Variants in NRDE2 observed in about 807,000 individuals in gnomAD.
The protein encoded by NRDE2 is nuclear exosome regulator NRDE2.
A neutral mutation model predicts 124.2 loss-of-function variants in NRDE2; 76 were observed. The observed-to-expected ratio is 0.61, with a 90% confidence interval of 0.51 to 0.74. The LOEUF (loss-of-function observed/expected upper bound fraction) is 0.74, where lower values mean the gene tolerates loss of function less well. Among genes scored for constraint, NRDE2 ranks in the 30% least tolerant of loss-of-function variants. NRDE2 has a pLI of 0.00. For missense variants in NRDE2, 1,314 were observed against 1,417.3 expected, an observed-to-expected ratio of 0.93 and a Z score of 1.17; for synonymous variants, 489 against 528.1, an observed-to-expected ratio of 0.93 and a Z score of 1.01.
Position 90,301,829 on chromosome 14 carries a change from C to T in NRDE2, c.1412-457G>A, listed in dbSNP as rs79707260. 3,215 of 455,998 alleles carry T rather than the reference C, an allele frequency of 7.1e-3. 76 individuals are homozygous for T. The highest frequency in any genetic ancestry group is 0.057 in the African/African-American group (2,871 of 50,178). 28.2% of individuals were successfully genotyped at this position (455,998 alleles called of 1,614,324 possible). A position where few individuals can be genotyped will look rare whatever the true frequency, so the allele number is the denominator to read the frequency against. On this transcript the variant is annotated intron_variant, in intron 6 of 13. Coordinates refer to ENST00000354366, the MANE Select transcript of NRDE2 (RefSeq NM_017970.4). The stretch of plus-strand genomic sequence containing the variant: ...CTGTAAACAAATCAAGGTTCCATGT[C>T]TGAACATTCCAGTTCATCTTACTTT...
rs757169962 is a variant in NRDE2, at chr14:90,317,983, A to T, written c.173+22T>A. 5 of 1,592,958 alleles carry T rather than the reference A, an allele frequency of 3.1e-6. No homozygotes were observed. In the Admixed American group the frequency reaches 8.5e-5, roughly 27 times the overall value. ...ACAGTAAACTGACAAAAACGAAAAC[A>T]CATCTGTCAAACAAAAACTACCTTG... On this transcript the variant is annotated intron_variant, in intron 2 of 13. Coordinates refer to ENST00000354366, the MANE Select transcript of NRDE2 (RefSeq NM_017970.4).
chr14:90,293,212 CACT>C (rs1353561093), intron 8 of NRDE2, among the ~76,000 whole-genome samples: 1 of 151,940 alleles, frequency 6.6e-6, no homozygotes, highest in Non-Finnish European at 1.5e-5. Flanking sequence ...ACATGTGACT[CACT>C]GGGCACTTGA....
chr14:90,282,319 T>TA (rs939184158), intron 12 of NRDE2, among the ~76,000 whole-genome samples: 4 of 148,176 alleles, frequency 2.7e-5, no homozygotes, highest in Non-Finnish European at 4.4e-5. Flanking sequence ...TTACAAAAAA[T>TA]AAAAAAAACA....
At chr14:90,295,688 C>A (rs1241344735) in intron 8 of NRDE2, among the ~76,000 whole-genome samples, 1 of 152,180 alleles carries the variant, frequency 6.6e-6, no homozygotes. Context: ...AGGATGAAAT[C>A]AACTACCCTC....
In NRDE2 at chr14:90,269,809, T is replaced by G. The variant is rs1041454112; in HGVS notation, c.*8527A>C. 1 of 416,842 alleles carries G rather than the reference T, an allele frequency of 2.4e-6. No homozygotes were observed. The highest frequency in any genetic ancestry group is 2.0e-5 in the African/African-American group (1 of 49,358). The allele number at this position is 416,842 out of a possible 1,614,324, so 25.8% of individuals were successfully genotyped here. Reference sequence around the variant, plus strand: ...CATTCCCTTTTTAGCCTCAAGAACTTGCTGCTTTTTCTGGAAGAAATAATT... The same window carrying G: ...CATTCCCTTTTTAGCCTCAAGAACTGGCTGCTTTTTCTGGAAGAAATAATT... On this transcript the variant is annotated 3_prime_UTR_variant, in exon 14 of 14. Transcript: ENST00000354366.
intron 1 of NRDE2, among the ~76,000 whole-genome samples, chr14:90,330,766 C>T (rs1018808595): frequency 9.4e-5 from 14 of 149,454 alleles, no homozygotes; most frequent in Admixed American, 8.7e-4. Context: ...TATGACAGTG[C>T]CACTGTACTC....
In NRDE2 at chr14:90,279,064, T is replaced by C; in HGVS notation, c.3367A>G (p.Lys1123Glu). 6.2e-7 allele frequency: 1 copy of C among 1,609,836 alleles called. No homozygotes were observed. Among genetic ancestry groups the C allele is most frequent in the Non-Finnish European group, 8.5e-7 (1 of 1,175,984 alleles). ...YKALQNCPWA[K>E]VLYLDAVEYF... Reference sequence around the variant, plus strand: ...ACACCATGGCCTTTAACACTTACCTTTGCCCAAGGGCAATTCTGAAGTGCT... The same window carrying C: ...ACACCATGGCCTTTAACACTTACCTCTGCCCAAGGGCAATTCTGAAGTGCT... Residue 1123 changes from lysine (K) to glutamate (E), a missense_variant and splice_region_variant, in exon 13 of 14, where the codon AAG becomes GAG. Transcript: ENST00000354366.
chr14:90,286,548 G>C, intron 11 of NRDE2, 56 bp from the exon 12 acceptor site: 1 of 1,579,802 alleles, frequency 6.3e-7, no homozygotes, highest in Non-Finnish European at 8.6e-7. Context: ...CTACATCACA[G>C]AAGGAAGAGA....
chr14:90,276,802 AGATGGGGACTGAGGC>A lies in NRDE2; in HGVS notation c.*1519_*1533del, dbSNP rs1488736609. ...AACCAGATGAGAAGAGACATGAGTC[AGATGGGGACTGAGGC>A]GCCAGCTGCTGTCATGGGGAGCATG... is the stretch of plus-strand genomic sequence containing the variant. On this transcript the variant is annotated 3_prime_UTR_variant, in exon 14 of 14. Coordinates refer to ENST00000354366, the MANE Select transcript of NRDE2 (RefSeq NM_017970.4). The A allele has an allele frequency of 6.6e-6, 1 of 152,212 alleles. No homozygotes were observed. The highest frequency in any genetic ancestry group is 1.9e-4 in the East Asian group (1 of 5,164). 9.4% of individuals were successfully genotyped at this position (152,212 alleles called of 1,614,324 possible).
At chr14:90,284,486 C>T (rs1892045839) in intron 12 of NRDE2, among the ~76,000 whole-genome samples, 1 of 152,074 alleles carries the variant, frequency 6.6e-6, no homozygotes, top group Admixed American at 6.5e-5. Flanking sequence ...CTGCCTGAGC[C>T]TCCCAAGTAG....
Position 90,303,780 on chromosome 14 carries a change from T to C in NRDE2, c.1005+155A>G, listed in dbSNP as rs117427923. 9.6e-3 allele frequency among the ~76,000 whole-genome samples: 1,457 copies of C among 152,336 alleles called. 10 individuals are homozygous for C. Among genetic ancestry groups the C allele is most frequent in the Non-Finnish European group, 0.014 (982 of 68,030 alleles). ...GCATGTCCATTTTCCTCATTGGACT[T>C]TGAGCGAGCTCAGGGCAAAGGCTCT... is the stretch of plus-strand genomic sequence containing the variant. On this transcript the variant is annotated intron_variant, in intron 5 of 13. Transcript: ENST00000354366.
At position 90,290,352 on chromosome 14, in the gene NRDE2, G is replaced by C. The variant is rs377682810; in HGVS notation, c.2098C>G (p.Arg700Gly). The C allele has an allele frequency of 5.6e-6, 9 of 1,613,986 alleles. No individual in the cohort carries two copies. In the African/African-American group the frequency reaches 1.2e-4, roughly 22 times the overall value. Residue 700 changes from arginine to glycine, a missense_variant, in exon 10 of 14, where the codon CGC (arginine) becomes GGC (glycine). Arg to Gly is a moderately radical substitution (Grantham distance 125, BLOSUM62 -2). Transcript: ENST00000354366. ...TCTCGGTTCTGACCCCTGGTCCAGCGAGGATAGCCCAACCTATCCATGCGG... is the reference window on the plus strand; with the variant it reads ...TCTCGGTTCTGACCCCTGGTCCAGCCAGGATAGCCCAACCTATCCATGCGG... ...VGRMDRLGYPRWTRGQNREGE... is the reference protein window; with the variant it reads ...VGRMDRLGYPGWTRGQNREGE...
rs1892249213 is a variant in NRDE2 at position 90,290,610 on chromosome 14, G to T, written c.1843-3C>A. Reference sequence around the variant, plus strand: ...TGCCCAATATCATCAAACAACACCTGCAACAAAGACAAAATAAAGCGACCC... The same window carrying T: ...TGCCCAATATCATCAAACAACACCTTCAACAAAGACAAAATAAAGCGACCC... On this transcript the variant is annotated splice_region_variant and splice_polypyrimidine_tract_variant and intron_variant, in intron 9 of 13. Coordinates refer to ENST00000354366, the MANE Select transcript of NRDE2 (RefSeq NM_017970.4). 3 of 1,577,790 alleles carry T rather than the reference G, an allele frequency of 1.9e-6. No homozygotes were observed. The highest frequency in any genetic ancestry group is 1.7e-4 in the Middle Eastern group (1 of 5,838).
At chr14:90,297,066 G>A (rs1161633066) in intron 8 of NRDE2, among the ~76,000 whole-genome samples, 3 of 151,184 alleles carry the variant, frequency 2.0e-5, no homozygotes, top group Admixed American at 6.6e-5. Flanking sequence ...TTGAACCTGG[G>A]AGGCGGAGGT....
chr14:90,281,478 C>A (rs1424598646), intron 12 of NRDE2: 1 of 152,210 alleles, frequency 6.6e-6, no homozygotes, highest in African/African-American at 2.4e-5. Flanking sequence ...CCCTGTGCGA[C>A]CACGGGGGAG....
chr14:90,310,521 C>T (rs991720973), intron 4 of NRDE2, among the ~76,000 whole-genome samples: 11 of 136,172 alleles, frequency 8.1e-5, no homozygotes, highest in African/African-American at 1.3e-4. Context: ...GTTGACTGCC[C>T]TTTTTTTTTT....
chr14:90,272,467 A>C lies in NRDE2; in HGVS notation c.*5869T>G. 7.7e-7 allele frequency: 1 copy of C among 1,292,084 alleles called. No homozygotes were observed. Among genetic ancestry groups the C allele is most frequent in the Non-Finnish European group, 1.1e-6 (1 of 943,120 alleles). The allele number at this position is 1,292,084 out of a possible 1,614,324, so 80.0% of individuals were successfully genotyped here. On this transcript the variant is annotated 3_prime_UTR_variant, in exon 14 of 14. Transcript: ENST00000354366. This position sits in a 1 kb window ranked among gnomAD's most constrained non-coding sequence, Gnocchi z 4.5. ...GATTTCTCAATCCCTGAAAGGGATG[A>C]GGTTGGGGGAGTTGCCCAGAGGAAT...
intron 4 of NRDE2, among the ~76,000 whole-genome samples, chr14:90,311,366 A>C (rs1264405619): frequency 2.0e-5 from 3 of 152,146 alleles, no homozygotes; most frequent in African/African-American, 7.2e-5. Context: ...CTTGAATTGT[A>C]GTTCCCATAA....
intron 1 of NRDE2, 62 bp downstream of exon 1, chr14:90,331,779 G>C: frequency 1.3e-6 from 2 of 1,536,626 alleles, no homozygotes; most frequent in Non-Finnish European, 1.8e-6. Flanking sequence ...GTCTAGACCT[G>C]GGCCCGAGAA....
Sources: allele counts gnomAD v4.1 joint callset (sites outside exome capture counted in the v4.1 genomes callset), GRCh38; gene constraint gnomAD v4.1.1; non-coding constraint Gnocchi (gnomAD v3.1); transcripts MANE v1.5; gene names NCBI Gene and HGNC (gene_info 2026-07-23, HGNC 2026-07-21).